ATP9A: variants seen among roughly 807,000 people sequenced by gnomAD.
ATP9A encodes probable phospholipid-transporting ATPase IIA.
Under a neutral mutation model 144.1 loss-of-function variants are expected in ATP9A, and 52 were observed. The observed-to-expected ratio is 0.36, with a 90% CI of 0.29 to 0.45. The LOEUF (loss-of-function observed/expected upper bound fraction) is 0.45. Among genes scored for constraint, ATP9A ranks in the 20% least tolerant of loss-of-function variants. ATP9A has a pLI of 1.00. For synonymous variants in ATP9A, 582 were observed against 557.4 expected, an observed-to-expected ratio of 1.04 and a Z score of -0.62; for missense variants, 947 against 1,392.7, an observed-to-expected ratio of 0.68 and a Z score of 5.09.
chr20:51,748,684 C>A (rs2077818392), intron 1 of ATP9A, among the ~76,000 whole-genome samples: 1 of 152,200 alleles, frequency 6.6e-6, no homozygotes. Context: ...ATCAAAATTA[C>A]AAATGTACCT....
intron 14 of ATP9A, among the ~76,000 whole-genome samples, chr20:51,644,805 T>A (rs113346343): frequency 1.3e-5 from 2 of 152,054 alleles, no homozygotes; most frequent in Admixed American, 1.3e-4. Context: ...ATGATTTTTT[T>A]ATTCCTATTC....
At chr20:51,657,549 T>C (rs771214114) in intron 13 of ATP9A, among the ~76,000 whole-genome samples, 7 of 152,014 alleles carry the variant, frequency 4.6e-5, no homozygotes, top group Non-Finnish European at 8.8e-5. Flanking sequence ...ATATAGGGTG[T>C]TCAGCAGCAT....
At chr20:51,670,418 T>C (rs2077451106) in intron 12 of ATP9A, among the ~76,000 whole-genome samples, 1 of 152,174 alleles carries the variant, frequency 6.6e-6, no homozygotes, top group African/African-American at 2.4e-5. Flanking sequence ...TGACATACAC[T>C]AGAGCAATCA....
At chr20:51,633,727 CAG>C (rs1568794716) in intron 15 of ATP9A, among the ~76,000 whole-genome samples, 1 of 150,270 alleles carries the variant, frequency 6.7e-6, no homozygotes, top group Non-Finnish European at 1.5e-5. Context: ...GCCTAGGTAA[CAG>C]AGTGAGACTC....
chr20:51,597,703 CA>C lies in ATP9A; in HGVS notation c.*3507del, dbSNP rs1181532584. 1 of 151,846 alleles carries C rather than the reference CA, an allele frequency of 6.6e-6. No individual in the cohort carries two copies. Among genetic ancestry groups the C allele is most frequent in the African/African-American group, 2.4e-5 (1 of 41,328 alleles). The allele number at this position is 151,846 out of a possible 1,614,324, so 9.4% of individuals were successfully genotyped here. On this transcript the variant is annotated 3_prime_UTR_variant, in exon 28 of 28. Transcript: ENST00000338821. ...GCACGCACGCATGCCCAGCCTACCC[CA>C]GTAAAAACAAGACAAAGTATAAAAA... is the stretch of plus-strand genomic sequence containing the variant.
chr20:51,615,748 G>T (rs540497813), intron 22 of ATP9A, among the ~76,000 whole-genome samples: 1 of 152,248 alleles, frequency 6.6e-6, no homozygotes, highest in East Asian at 1.9e-4. Flanking sequence ...CAATTCTCCT[G>T]CCTCAGCCTC....
chr20:51,597,496 A>T lies in ATP9A; in HGVS notation c.*3715T>A, dbSNP rs2077124158. 6.6e-6 allele frequency: 1 copy of T among 152,214 alleles called. No individual in the cohort carries two copies. Among genetic ancestry groups the T allele is most frequent in the Admixed American group, 6.5e-5 (1 of 15,278 alleles). The allele number at this position is 152,214 out of a possible 1,614,324, so 9.4% of individuals were successfully genotyped here. On this transcript the variant is annotated 3_prime_UTR_variant, in exon 28 of 28. Coordinates refer to ENST00000338821, the MANE Select transcript of ATP9A (RefSeq NM_006045.3). ...TGCAATGAAAACCAAATAATTCTTC[A>T]AAAAACTTTAGATGACATCATTCTC...
intron 1 of ATP9A, among the ~76,000 whole-genome samples, chr20:51,759,838 A>T (rs946231500): frequency 2.0e-5 from 3 of 152,100 alleles, no homozygotes; most frequent in Non-Finnish European, 4.4e-5. Flanking sequence ...TAATTTCTGT[A>T]TTTGCAAATT....
chr20:51,762,287 T>C (rs540599749), intron 1 of ATP9A, among the ~76,000 whole-genome samples: 1 of 152,022 alleles, frequency 6.6e-6, no homozygotes, highest in East Asian at 1.9e-4. Flanking sequence ...GATCATGAGG[T>C]CAAGAGATCG....
chr20:51,630,219 G>A (rs1194978284), intron 15 of ATP9A, among the ~76,000 whole-genome samples: 3 of 152,356 alleles, frequency 2.0e-5, no homozygotes, highest in East Asian at 3.9e-4. Flanking sequence ...GAGGAATGAC[G>A]GCGCAGCCAC....
chr20:51,726,686 C>T (rs2077714881), intron 2 of ATP9A, among the ~76,000 whole-genome samples: 1 of 152,028 alleles, frequency 6.6e-6, no homozygotes, highest in African/African-American at 2.4e-5. Flanking sequence ...TCAGGCGATC[C>T]TCCTGTCACA....
chr20:51,699,783 C>T (rs1161796876), intron 4 of ATP9A, among the ~76,000 whole-genome samples: 1 of 152,070 alleles, frequency 6.6e-6, no homozygotes, highest in African/African-American at 2.4e-5. Context: ...GCTGGGACTA[C>T]AGGCACCCAC....
intron 1 of ATP9A, chr20:51,732,426 C>A (rs1162251602): frequency 2.6e-5 from 4 of 152,228 alleles, no homozygotes; most frequent in Non-Finnish European, 5.9e-5. Context: ...TCCCACAGAG[C>A]AGGTCCTGGT....
chr20:51,608,321 A>G (rs2077171664), intron 25 of ATP9A, among the ~76,000 whole-genome samples, 197 bp downstream of exon 25: 1 of 152,186 alleles, frequency 6.6e-6, no homozygotes, highest in Admixed American at 6.5e-5. Context: ...ACCAGTGAAT[A>G]TATTACTGCT....
chr20:51,601,422 TCA>T, intron 27 of ATP9A, 75 bp from the exon 28 acceptor site: 1 of 1,407,930 alleles, frequency 7.1e-7, no homozygotes, highest in Non-Finnish European at 9.5e-7. Flanking sequence ...GAAACAGGCG[TCA>T]CAACTATCAA....
chr20:51,608,165 C>T (rs2077171113), intron 25 of ATP9A, among the ~76,000 whole-genome samples: 1 of 152,062 alleles, frequency 6.6e-6, no homozygotes, highest in African/African-American at 2.4e-5. Context: ...CGCCACCACA[C>T]ACACTTTTTG....
At position 51,627,730 on chromosome 20, in the gene ATP9A, G is replaced by A. The variant is rs746084829; in HGVS notation, c.1762-47C>T. On this transcript the variant is annotated intron_variant, in intron 16 of 27. Transcript: ENST00000338821. ...AGTGGGAGCGGTGCTGAGAGCTCCT[G>A]ACCTCACTGGGGAAGGACCAGTGCC... 2.7e-6 allele frequency: 4 copies of A among 1,498,708 alleles called. No individual in the cohort carries two copies. The Admixed American group carries it at 5.0e-5, about 19-fold the overall frequency. The allele number at this position is 1,498,708 out of a possible 1,614,324, so 92.8% of individuals were successfully genotyped here.
chr20:51,764,421 G>A (rs6096571), intron 1 of ATP9A, among the ~76,000 whole-genome samples: 7,602 of 152,308 alleles, frequency 0.05, 378 homozygotes, highest in African/African-American at 0.13. Context: ...TCAACATCAG[G>A]ATGTGGTAAC....
chr20:51,736,781 C>CA (rs200445034), intron 1 of ATP9A, among the ~76,000 whole-genome samples: 20 of 149,908 alleles, frequency 1.3e-4, no homozygotes, highest in South Asian at 1.1e-3. Flanking sequence ...TTAACAACAA[C>CA]AAAAAAAACA....
Sources: gnomAD v4.1 joint callset for allele counts (sites outside exome capture counted in the v4.1 genomes callset) on GRCh38, gnomAD v4.1.1 for gene constraint, MANE v1.5 for transcripts, NCBI Gene and HGNC (gene_info 2026-07-23, HGNC 2026-07-21) for gene names.